The following CSMD1 variants were observed in gnomAD, a reference collection of about 807,000 sequenced individuals.
CSMD1 encodes CUB and Sushi multiple domains 1, also known as CUB and sushi domain-containing protein 1.
CSMD1 carries 213 observed loss-of-function variants against 417.5 expected under a neutral mutation model. The ratio of observed to expected loss-of-function variants is 0.51; its 90% CI spans 0.46 to 0.57. The LOEUF (loss-of-function observed/expected upper bound fraction) is 0.57. Among genes scored for constraint, CSMD1 ranks in the 20% least tolerant of loss-of-function variants. The pLI is 0.00. For missense variants in CSMD1, 6,923 were observed against 4,529.7 expected, an observed-to-expected ratio of 1.53 and a Z score of -15.17; for synonymous variants, 2,862 against 1,736.8, an observed-to-expected ratio of 1.65 and a Z score of -16.11.
intron 12 of CSMD1, among the ~76,000 whole-genome samples, chr8:3,441,575 C>A (rs1331634146): frequency 6.6e-6 from 1 of 151,082 alleles, no homozygotes; most frequent in African/African-American, 2.4e-5. Flanking sequence ...ATCATGTATA[C>A]AATGGTCCCA....
chr8:3,358,439 T>G (rs1808940185), intron 21 of CSMD1, among the ~76,000 whole-genome samples: 1 of 152,220 alleles, frequency 6.6e-6, no homozygotes, highest in South Asian at 2.1e-4. Flanking sequence ...CACACCCTAT[T>G]TAAGCTACAA....
intron 2 of CSMD1, among the ~76,000 whole-genome samples, chr8:4,573,789 G>T (rs1799004315): frequency 6.6e-6 from 1 of 152,204 alleles, no homozygotes; most frequent in African/African-American, 2.4e-5. Flanking sequence ...CGCTGACTGG[G>T]GCTGCTGCCT....
At chr8:3,660,499 T>G (rs1798358463) in intron 7 of CSMD1, among the ~76,000 whole-genome samples, 2 of 2,370 alleles carry the variant, frequency 8.4e-4, no homozygotes, top group Non-Finnish European at 1.2e-3. Context: ...TTTTTTTTTT[T>G]TTTTTTTTTT....
At chr8:3,977,534 G>A (rs528273755) in intron 5 of CSMD1, among the ~76,000 whole-genome samples, 2 of 152,228 alleles carry the variant, frequency 1.3e-5, no homozygotes, top group South Asian at 2.1e-4. Context: ...GGATTCTGCT[G>A]TTCAGAGCAG....
At position 3,884,703 on chromosome 8, in the gene CSMD1, C is replaced by G. The variant is rs77615332; in HGVS notation, c.818+113200G>C. Among the ~76,000 whole-genome samples, 6 of 152,126 alleles carry G rather than the reference C, an allele frequency of 3.9e-5. No individual in the cohort carries two copies. In the East Asian group the frequency reaches 7.7e-4, roughly 20 times the overall value. ...AATTATAATTTTAGTACTAACTCAA[C>G]TGAGAAAATGTCCATGATTGGCCTT... is the stretch of plus-strand genomic sequence containing the variant. On this transcript the variant is annotated intron_variant, in intron 5 of 69. Transcript: ENST00000635120.
intron 5 of CSMD1, among the ~76,000 whole-genome samples, chr8:3,814,673 G>C (rs28623021): frequency 3.9e-5 from 6 of 152,280 alleles, no homozygotes; most frequent in Non-Finnish European, 8.8e-5. Context: ...ATAGTGCTGA[G>C]ATGGAGACAT....
chr8:3,966,162 G>T (rs895194144), intron 5 of CSMD1, among the ~76,000 whole-genome samples: 17 of 152,092 alleles, frequency 1.1e-4, no homozygotes, highest in Non-Finnish European at 2.2e-4. Context: ...TTAATAGGAC[G>T]GCAAAGGAGA....
intron 26 of CSMD1, among the ~76,000 whole-genome samples, chr8:3,255,434 T>A (rs1800578495): frequency 6.6e-6 from 1 of 152,224 alleles, no homozygotes; most frequent in Non-Finnish European, 1.5e-5. Context: ...AGGTTTCTGC[T>A]GCCTTTTGTT....
intron 17 of CSMD1, among the ~76,000 whole-genome samples, chr8:3,388,896 TACACACACACACACACACACACACAC>T (rs6150441): frequency 0.43 from 63,100 of 147,702 alleles, 13,492 homozygotes; most frequent in Middle Eastern, 0.47. Flanking sequence ...CACACATGCA[TACACACACACACACACACACACACAC>T]ACACACACAC....
chr8:4,404,348 A>G (rs1804863858), intron 3 of CSMD1, among the ~76,000 whole-genome samples: 1 of 152,164 alleles, frequency 6.6e-6, no homozygotes. Flanking sequence ...ATTAAGACCC[A>G]TGAGCGCAGG....
At chr8:3,698,953 G>C (rs902318727) in intron 7 of CSMD1, among the ~76,000 whole-genome samples, 1 of 152,130 alleles carries the variant, frequency 6.6e-6, no homozygotes, top group Non-Finnish European at 1.5e-5. Flanking sequence ...TCTAAGTCAG[G>C]CATCCAGGCT....
chr8:3,859,568 T>G (rs1487794362), intron 5 of CSMD1, among the ~76,000 whole-genome samples: 1 of 152,114 alleles, frequency 6.6e-6, no homozygotes, highest in African/African-American at 2.4e-5. Context: ...ACAATCTTAG[T>G]GCGAAGTTGG....
intron 2 of CSMD1, among the ~76,000 whole-genome samples, chr8:4,420,894 C>G (rs1797039802): frequency 6.6e-6 from 1 of 152,132 alleles, no homozygotes; most frequent in Non-Finnish European, 1.5e-5. Flanking sequence ...CTCTTTCACC[C>G]TCCTAGGAGC....
intron 26 of CSMD1, among the ~76,000 whole-genome samples, chr8:3,239,814 G>A (rs1799381467): frequency 6.6e-6 from 1 of 152,202 alleles, no homozygotes; most frequent in Middle Eastern, 3.4e-3. Context: ...GGGGAAATGG[G>A]GTGAATGTCA....
chr8:3,257,736 A>G (rs1419264111), intron 26 of CSMD1, among the ~76,000 whole-genome samples: 1 of 152,098 alleles, frequency 6.6e-6, no homozygotes, highest in South Asian at 2.1e-4. Flanking sequence ...AGAAGCATGG[A>G]CATTTCTGGG....
intron 1 of CSMD1, among the ~76,000 whole-genome samples, chr8:4,980,900 T>C (rs1333435164): frequency 1.3e-5 from 2 of 148,586 alleles, no homozygotes; most frequent in African/African-American, 5.1e-5. Flanking sequence ...TGAGACTGTC[T>C]CGAAAAAAAA....
rs1563352914 is a variant in CSMD1, at chr8:4,041,027, T to TA, written c.416-8929_416-8928insT. Among the ~76,000 whole-genome samples the TA allele has an allele frequency of 6.4e-5, 9 of 141,106 alleles. 1 individual carries two copies. The highest frequency in any genetic ancestry group is 3.6e-4 in the Admixed American group (5 of 14,080). 92.6% of individuals were successfully genotyped at this position (141,106 alleles called of 152,430 possible). A position where few individuals can be genotyped will look rare whatever the true frequency, so the allele number is the denominator to read the frequency against. On this transcript the variant is annotated intron_variant, in intron 3 of 69. Transcript: ENST00000635120. ...TTCTTTTTTTTTTTCCTTTTTTTTT[T>TA]TTTTTTTGAGACGGAGTCTCGCTCT...
At chr8:4,934,370 A>C (rs1452227186) in intron 1 of CSMD1, among the ~76,000 whole-genome samples, 7 of 152,326 alleles carry the variant, frequency 4.6e-5, no homozygotes, top group Non-Finnish European at 7.3e-5. Context: ...AGATATGAAA[A>C]TATTGTTTTA....
chr8:3,705,799 A>G lies in CSMD1; in HGVS notation c.1009+2615T>C, dbSNP rs376728043. Among the ~76,000 whole-genome samples, 427 of 152,276 alleles carry G rather than the reference A, an allele frequency of 2.8e-3. 4 individuals are homozygous for G. The highest frequency in any genetic ancestry group is 0.021 in the South Asian group (103 of 4,816). On this transcript the variant is annotated intron_variant, in intron 7 of 69. Transcript: ENST00000635120. ...ACTGTGGTCTCCCAGAGGAACCCAG[A>G]TCTTGGGGTGAAGCAGAAGTGGAGA... is the stretch of plus-strand genomic sequence containing the variant.
Sources: allele counts gnomAD v4.1 joint callset (sites outside exome capture counted in the v4.1 genomes callset), GRCh38; gene constraint gnomAD v4.1.1; transcripts MANE v1.5; gene names NCBI Gene and HGNC (gene_info 2026-07-23, HGNC 2026-07-21).